The following EARS2 variants were observed in gnomAD, a reference collection of about 807,000 sequenced individuals.
EARS2 encodes the protein glutamyl-tRNA synthetase 2, mitochondrial.
A neutral mutation model predicts 54.1 loss-of-function variants in EARS2; 50 were observed. That is an observed-to-expected ratio of 0.92 (90% CI 0.74 to 1.17). The LOEUF is 1.17. EARS2 is among the 50% of genes most tolerant of loss of function. EARS2 has a pLI of 0.00. For synonymous variants in EARS2, 298 were observed against 281.0 expected, an observed-to-expected ratio of 1.06 and a Z score of -0.61; for missense variants, 673 against 675.0, an observed-to-expected ratio of 1.00 and a Z score of 0.03.
chr16:23,529,460 A>C, intron 7 of EARS2, 42 bp downstream of exon 7: 1 of 1,598,898 alleles, frequency 6.3e-7, no homozygotes, highest in East Asian at 2.2e-5. Flanking sequence ...AGAGAGAGGG[A>C]AGGAGGGTGT....
chr16:23,524,268 A>G lies in EARS2; in HGVS notation c.*103T>C. On this transcript the variant is annotated 3_prime_UTR_variant, in exon 9 of 9. Transcript: ENST00000449606. ...GATTGTTTCCACTCTTAGTTCCTTCAGCAAACTTCCCGACGGGCCCCAGGC... is the reference window on the plus strand; with the variant it reads ...GATTGTTTCCACTCTTAGTTCCTTCGGCAAACTTCCCGACGGGCCCCAGGC... The G allele has an allele frequency of 1.0e-6, 1 of 955,276 alleles. No homozygotes were observed. The highest frequency in any genetic ancestry group is 1.7e-6 in the Non-Finnish European group (1 of 590,936). 59.2% of individuals were successfully genotyped at this position (955,276 alleles called of 1,614,324 possible).
chr16:23,557,055 T>A (rs1965805112), intron 1 of EARS2, 150 bp downstream of exon 1: 1 of 1,208,922 alleles, frequency 8.3e-7, no homozygotes, highest in South Asian at 1.4e-5. Context: ...TGCACCTCAG[T>A]TTCCGCCTCT....
At position 23,521,424 on chromosome 16, in the gene EARS2, G is replaced by A. The variant is rs1263520911; in HGVS notation, c.*2947C>T. On this transcript the variant is annotated 3_prime_UTR_variant, in exon 9 of 9. Transcript: ENST00000449606. ...ATTCATTTTTTTTTTTTTAGACACA[G>A]GATCTTGCTCTGTTGCCCAGGTTAG... 2.0e-5 allele frequency among the ~76,000 whole-genome samples: 3 copies of A among 151,046 alleles called. No individual in the cohort carries two copies. The East Asian group carries it at 5.8e-4, about 29-fold the overall frequency.
Position 23,529,886 on chromosome 16 carries a change from T to C in EARS2, c.1079A>G (p.Gln360Arg). The C allele has an allele frequency of 6.2e-7, 1 of 1,614,070 alleles. No individual in the cohort carries two copies. Among genetic ancestry groups the C allele is most frequent in the Non-Finnish European group, 8.5e-7 (1 of 1,180,022 alleles). Residue 360 changes from glutamine (Q) to arginine (R), a missense_variant, in exon 6 of 9, where the codon CAG (glutamine) becomes CGG (arginine). Around this residue, in one of 3 missense-constraint regions of EARS2, gnomAD observed 338 missense variants for 361.2 expected, o/e 0.94. Transcript: ENST00000449606. ...KLPEFNRLHLQRLVSNESQRR... is the reference protein window; with the variant it reads ...KLPEFNRLHLRRLVSNESQRR... ...CTGGCTCTCATTGCTCACCAGCCGCTGGAGGTGCAGTCTGCGGAAGAAATC... is the reference window on the plus strand; with the variant it reads ...CTGGCTCTCATTGCTCACCAGCCGCCGGAGGTGCAGTCTGCGGAAGAAATC...
In EARS2 at chr16:23,520,845, A is replaced by G. The variant is rs11862017; in HGVS notation, c.*3526T>C. 0.015 allele frequency among the ~76,000 whole-genome samples: 2,239 copies of G among 152,170 alleles called. 23 individuals carry two copies. Among genetic ancestry groups the G allele is most frequent in the African/African-American group, 0.019 (801 of 41,510 alleles). ...GCTCTGTTCCCCAGGCTGGAGTACA[A>G]TGGTGTGATCTTGGCTCACTGCAAC... On this transcript the variant is annotated 3_prime_UTR_variant, in exon 9 of 9. Transcript: ENST00000449606.
chr16:23,535,889 C>G (rs1965409920), intron 3 of EARS2, among the ~76,000 whole-genome samples: 1 of 152,210 alleles, frequency 6.6e-6, no homozygotes, highest in Non-Finnish European at 1.5e-5. Context: ...ATGCTTGGAC[C>G]TGCGGCAGCT....
At chr16:23,548,935 C>T (rs929572330) in intron 2 of EARS2, among the ~76,000 whole-genome samples, 1 of 152,156 alleles carries the variant, frequency 6.6e-6, no homozygotes, top group Non-Finnish European at 1.5e-5. Context: ...CAGATGGCTA[C>T]CACTTTCAGG....
intron 2 of EARS2, among the ~76,000 whole-genome samples, chr16:23,548,395 C>A (rs1399981133): frequency 6.6e-6 from 1 of 152,158 alleles, no homozygotes; most frequent in African/African-American, 2.4e-5. Context: ...GGGGGACAAG[C>A]TCTGGGCTGC....
Position 23,525,102 on chromosome 16 carries a change from T to C in EARS2, c.1488+142A>G, listed in dbSNP as rs1488517446. ...CATAGTAGGTACTCAATAGTGTCTG[T>C]TGATTGACTAAATGAGGGGAGTGAT... On this transcript the variant is annotated intron_variant, in intron 8 of 8. Transcript: ENST00000449606. 4.5e-6 allele frequency: 5 copies of C among 1,107,604 alleles called. No homozygotes were observed. The African/African-American group carries it at 4.6e-5, about 10-fold the overall frequency. 68.6% of individuals were successfully genotyped at this position (1,107,604 alleles called of 1,614,324 possible).
rs745321492 is a variant in EARS2 at position 23,557,316 on chromosome 16, G to A, written c.28C>T (p.Gln10Ter). The change falls in exon 1 of 9, where the codon CAG (glutamine) becomes TAG (stop). Residue 10 changes from glutamine to a stop codon, truncating the protein, a stop_gained. Transcript: ENST00000449606. LOFTEE classifies it high-confidence loss of function. MAALLRRLLQRERPSAASGR... is the reference protein window; with the variant it reads MAALLRRLL Reference sequence around the variant, plus strand: ...GAGGCCGCCGAAGGCCTCTCGCGCTGCAGCAGTCTCCTCAGGAGCGCCGCC... The same window carrying A: ...GAGGCCGCCGAAGGCCTCTCGCGCTACAGCAGTCTCCTCAGGAGCGCCGCC... The A allele has an allele frequency of 1.3e-6, 2 of 1,536,700 alleles. No individual in the cohort carries two copies. Among genetic ancestry groups the A allele is most frequent in the South Asian group, 2.4e-5 (2 of 84,504 alleles).
rs148323093 is a variant in EARS2, at chr16:23,541,473, A to C, written c.485+3041T>G. Among the ~76,000 whole-genome samples, 460 of 152,350 alleles carry C rather than the reference A, an allele frequency of 3.0e-3. 1 individual carries two copies. Among genetic ancestry groups the C allele is most frequent in the Middle Eastern group, 6.8e-3 (2 of 294 alleles). On this transcript the variant is annotated intron_variant, in intron 3 of 8. Coordinates refer to ENST00000449606, the MANE Select transcript of EARS2 (RefSeq NM_001083614.2). Reference sequence around the variant, plus strand: ...ACTGATATCTGATCCTCAAGATGGTAAGCGGACATGGTAAATTGCACCACA... The same window carrying C: ...ACTGATATCTGATCCTCAAGATGGTCAGCGGACATGGTAAATTGCACCACA...
Position 23,544,808 on chromosome 16 carries a change from T to C in EARS2, c.296-105A>G, listed in dbSNP as rs1373103106. 3 of 1,068,732 alleles carry C rather than the reference T, an allele frequency of 2.8e-6. No individual in the cohort carries two copies. The Admixed American group carries it at 8.7e-5, about 31-fold the overall frequency. The allele number at this position is 1,068,732 out of a possible 1,614,324, so 66.2% of individuals were successfully genotyped here. On this transcript the variant is annotated intron_variant, in intron 2 of 8. Transcript: ENST00000449606. Reference sequence around the variant, plus strand: ...ATTAAAGCTTTAATCCTCATAACAATCCATGAGGTTGGCATTAGTACAATG... The same window carrying C: ...ATTAAAGCTTTAATCCTCATAACAACCCATGAGGTTGGCATTAGTACAATG...
At chr16:23,526,399 T>C (rs1270319569) in intron 7 of EARS2, among the ~76,000 whole-genome samples, 1 of 152,168 alleles carries the variant, frequency 6.6e-6, no homozygotes, top group East Asian at 1.9e-4. Context: ...GGCAGGATTA[T>C]AGGCGTGAGC....
At chr16:23,536,064 C>G (rs896918943) in intron 3 of EARS2, among the ~76,000 whole-genome samples, 2 of 152,304 alleles carry the variant, frequency 1.3e-5, no homozygotes, top group African/African-American at 2.4e-5. Flanking sequence ...AAAGTGTGGT[C>G]TGTGGGCCCC....
chr16:23,552,183 T>C lies in EARS2; in HGVS notation c.261A>G (p.Ala87=), dbSNP rs957059749. 4 of 1,614,036 alleles carry C rather than the reference T, an allele frequency of 2.5e-6. No homozygotes were observed. Among genetic ancestry groups the C allele is most frequent in the Non-Finnish European group, 3.4e-6 (4 of 1,180,012 alleles). The change falls in exon 2 of 9, where the codon GCA becomes GCG. Residue 87 remains alanine (A), a synonymous_variant. Transcript: ENST00000449606. ...CCAGCATGTCCTCAATATTCTCCGC[T>C]GCCCCAGGCACAACGCGAGTCTGAT... ...DTDQTRVVPG[A]AENIEDMLEW... is the part of the protein sequence containing the mutation.
At position 23,535,105 on chromosome 16, in the gene EARS2, G is replaced by A. The variant is rs369885690; in HGVS notation, c.741C>T (p.Gly247=). 1.4e-5 allele frequency: 22 copies of A among 1,610,208 alleles called. No individual in the cohort carries two copies. The African/African-American group carries it at 2.7e-4, about 20-fold the overall frequency. ...TGGCAGTGGAGACGAGCCACTCAGA[G>A]CCTCGCAGCACGTGGCTGATGCCCA... The part of the protein sequence containing the change: ...HHMGISHVLR[G]SEWLVSTAKH... The change falls in exon 4 of 9, where the codon GGC becomes GGT. Residue 247 remains glycine, a synonymous_variant. Transcript: ENST00000449606.
At chr16:23,548,356 T>G (rs1050894334) in intron 2 of EARS2, among the ~76,000 whole-genome samples, 9 of 152,300 alleles carry the variant, frequency 5.9e-5, no homozygotes, top group African/African-American at 2.2e-4. Context: ...CCTGAATACC[T>G]GCCCTCTGCC....
intron 8 of EARS2, 150 bp downstream of exon 8, chr16:23,525,094 A>C: frequency 1.0e-6 from 1 of 987,664 alleles, no homozygotes; most frequent in Non-Finnish European, 1.6e-6. Context: ...GGTACTCAAT[A>C]GTGTCTGTTG....
intron 3 of EARS2, among the ~76,000 whole-genome samples, chr16:23,543,919 A>G (rs1965558024): frequency 6.6e-6 from 1 of 152,230 alleles, no homozygotes; most frequent in South Asian, 2.1e-4. Flanking sequence ...TATGTGTATA[A>G]GGCGTACATG....
Sources: allele counts gnomAD v4.1 joint callset (sites outside exome capture counted in the v4.1 genomes callset), GRCh38; gene constraint gnomAD v4.1.1; regional missense constraint gnomAD v4.1.1; transcripts MANE v1.5; gene names NCBI Gene and HGNC (gene_info 2026-07-23, HGNC 2026-07-21).